The following MAD1L1 variants were observed in gnomAD, a reference collection of about 807,000 sequenced individuals.
MAD1L1 encodes mitotic arrest deficient 1 like 1.
Under a neutral mutation model 96.9 loss-of-function variants are expected in MAD1L1, and 95 were observed. The ratio of observed to expected loss-of-function variants is 0.98; its 90% confidence interval spans 0.83 to 1.16. The LOEUF is 1.16. Ranked by LOEUF, MAD1L1 falls within the 50% of genes most tolerant of loss-of-function variation. The probability of loss-of-function intolerance (pLI) is 0.00; values close to 1 mark genes in which losing one functional copy is unlikely to be tolerated. For missense variants in MAD1L1, 1,007 were observed against 954.4 expected, an observed-to-expected ratio of 1.06 and a Z score of -0.73; for synonymous variants, 473 against 396.6, an observed-to-expected ratio of 1.19 and a Z score of -2.29.
chr7:2,006,350 T>C (rs1340866823), intron 13 of MAD1L1, among the ~76,000 whole-genome samples: 2 of 152,110 alleles, frequency 1.3e-5, no homozygotes, highest in South Asian at 2.1e-4. Flanking sequence ...AAGGTGGCTG[T>C]GGCCTGGGGT....
intron 18 of MAD1L1, among the ~76,000 whole-genome samples, chr7:1,826,536 C>T (rs1332669493): frequency 6.6e-6 from 1 of 152,258 alleles, no homozygotes. Flanking sequence ...CCAGGACACC[C>T]TGCTGTGTGC....
intron 10 of MAD1L1, among the ~76,000 whole-genome samples, chr7:2,155,781 G>A (rs546239269): frequency 6.6e-6 from 1 of 152,326 alleles, no homozygotes; most frequent in Non-Finnish European, 1.5e-5. Context: ...GCCAATGCCT[G>A]TTCCAAACGC....
chr7:2,141,132 G>A lies in MAD1L1; in HGVS notation c.1073+8020C>T, dbSNP rs886457462. 4.7e-4 allele frequency among the ~76,000 whole-genome samples: 72 copies of A among 152,370 alleles called. 1 individual carries two copies. Among genetic ancestry groups the A allele is most frequent in the African/African-American group, 1.2e-3 (51 of 41,594 alleles). On this transcript the variant is annotated intron_variant, in intron 11 of 18. Transcript: ENST00000265854. ...GGACCCGGCCCCGTCATGAAGGAGC[G>A]TGTGCTCGCCTTGCGGGCTCTGCCT... is the stretch of plus-strand genomic sequence containing the variant.
chr7:2,210,256 C>T (rs185975514), intron 10 of MAD1L1, among the ~76,000 whole-genome samples: 1 of 152,148 alleles, frequency 6.6e-6, no homozygotes, highest in Admixed American at 6.5e-5. Flanking sequence ...TTTTGGTACA[C>T]ACGGGGTCTC....
chr7:2,184,618 T>C (rs534571836), intron 10 of MAD1L1, among the ~76,000 whole-genome samples: 4 of 152,328 alleles, frequency 2.6e-5, no homozygotes, highest in African/African-American at 9.6e-5. Context: ...TAACCACAGC[T>C]ATACTCACAA....
chr7:2,219,980 C>T (rs1400612769), intron 5 of MAD1L1, among the ~76,000 whole-genome samples: 3 of 152,182 alleles, frequency 2.0e-5, no homozygotes, highest in Admixed American at 2.0e-4. Context: ...GTGCCCCACG[C>T]TCCCAAAGTC....
chr7:2,077,625 A>G (rs1011101844), intron 11 of MAD1L1, among the ~76,000 whole-genome samples: 13 of 152,202 alleles, frequency 8.5e-5, no homozygotes, highest in Non-Finnish European at 1.8e-4. Flanking sequence ...GGAGCAGTGA[A>G]CTCTAACTGG....
At chr7:1,918,826 G>C (rs561353684) in intron 17 of MAD1L1, among the ~76,000 whole-genome samples, 43 of 152,320 alleles carry the variant, frequency 2.8e-4, no homozygotes, top group African/African-American at 9.6e-4. Context: ...CACAGCTCCC[G>C]GCCCCAGGGC....
chr7:2,026,544 G>T (rs1045580746), intron 12 of MAD1L1, among the ~76,000 whole-genome samples: 9 of 152,156 alleles, frequency 5.9e-5, no homozygotes, highest in Admixed American at 1.3e-4. Flanking sequence ...TTCCGATGGG[G>T]CCATAGAGCA....
intron 11 of MAD1L1, among the ~76,000 whole-genome samples, chr7:2,110,279 C>G (rs755707405): frequency 9.2e-5 from 14 of 152,192 alleles, no homozygotes; most frequent in Non-Finnish European, 2.1e-4. Flanking sequence ...CTGGACTGTG[C>G]GCTCACAGCC....
intron 18 of MAD1L1, among the ~76,000 whole-genome samples, chr7:1,858,203 G>C (rs1270341239): frequency 1.3e-5 from 2 of 152,366 alleles, no homozygotes; most frequent in African/African-American, 4.8e-5. Flanking sequence ...GTCGGTGGCA[G>C]TGTTGGGAGT....
chr7:2,179,985 A>G (rs1791123189), intron 10 of MAD1L1, among the ~76,000 whole-genome samples: 1 of 152,010 alleles, frequency 6.6e-6, no homozygotes, highest in Non-Finnish European at 1.5e-5. Flanking sequence ...AAAAAAAAGA[A>G]AAGAAAAGAA....
intron 18 of MAD1L1, chr7:1,874,656 G>A (rs1055455979): frequency 2.5e-6 from 1 of 401,962 alleles, no homozygotes; most frequent in African/African-American, 2.1e-5. Flanking sequence ...ACCCAGGAGG[G>A]AAAAGCAGCT....
rs1035876129 is a variant in MAD1L1, at chr7:2,231,274, G to C, written c.-189-547C>G. Among the ~76,000 whole-genome samples the C allele has an allele frequency of 5.3e-5, 8 of 152,066 alleles. No individual in the cohort carries two copies. The South Asian group carries it at 1.7e-3, about 32-fold the overall frequency. ...GACCGCACCACTGCACTCCAGCCTGGGTAACGGGGTGAGACAGTGTCTCAA... is the reference window on the plus strand; with the variant it reads ...GACCGCACCACTGCACTCCAGCCTGCGTAACGGGGTGAGACAGTGTCTCAA... On this transcript the variant is annotated intron_variant, in intron 1 of 18. Coordinates refer to ENST00000265854, the MANE Select transcript of MAD1L1 (RefSeq NM_001013836.2).
At chr7:2,147,814 A>T (rs1458372848) in intron 11 of MAD1L1, among the ~76,000 whole-genome samples, 1 of 152,286 alleles carries the variant, frequency 6.6e-6, no homozygotes, top group Admixed American at 6.5e-5. Context: ...CAACATGGGC[A>T]GCATGCAGAT....
At chr7:2,120,772 GAGGCAGCCTGCGAGCCCCCATGGGAGGA>G (rs1160259649) in intron 11 of MAD1L1, among the ~76,000 whole-genome samples, 3 of 152,252 alleles carry the variant, frequency 2.0e-5, no homozygotes, top group African/African-American at 7.2e-5. Context: ...CAGGAGGCGG[GAGGCAGCCTGCGAGCCCCCATGGGAGGA>G]ACTCGGGGGA....
chr7:2,097,277 T>C (rs1786542157), intron 11 of MAD1L1, among the ~76,000 whole-genome samples: 1 of 152,030 alleles, frequency 6.6e-6, no homozygotes, highest in Non-Finnish European at 1.5e-5. Context: ...CTCAACGTCC[T>C]TGTTTCCGGG....
In MAD1L1 at chr7:2,032,771, G is replaced by T. The variant is rs558759739; in HGVS notation, c.1219-18129C>A. 3.9e-5 allele frequency among the ~76,000 whole-genome samples: 6 copies of T among 152,334 alleles called. No homozygotes were observed. In the South Asian group the frequency reaches 6.2e-4, roughly 16 times the overall value. The stretch of plus-strand genomic sequence containing the variant: ...AGGCCAGCTCCTAGCAAGTGGTGAG[G>T]GGGGTGGCGCCGGCCTGCTCTCCCA... On this transcript the variant is annotated intron_variant, in intron 12 of 18. Transcript: ENST00000265854.
intron 12 of MAD1L1, among the ~76,000 whole-genome samples, chr7:2,057,220 A>T (rs1212641177): frequency 6.6e-6 from 1 of 152,182 alleles, no homozygotes; most frequent in Non-Finnish European, 1.5e-5. Flanking sequence ...CTCACAGGAG[A>T]CGCACAGTAA....
Sources: gnomAD v4.1 joint callset for allele counts (sites outside exome capture counted in the v4.1 genomes callset) on GRCh38, gnomAD v4.1.1 for gene constraint, MANE v1.5 for transcripts, NCBI Gene and HGNC (gene_info 2026-07-23, HGNC 2026-07-21) for gene names.